The following ELP6 variants were observed in gnomAD, a reference collection of about 807,000 sequenced individuals.
The protein encoded by ELP6 is elongator complex protein 6.
ELP6 carries 23 observed loss-of-function variants against 28.1 expected under a neutral mutation model. The observed-to-expected ratio is 0.82, with a 90% CI of 0.59 to 1.16. The LOEUF is 1.16. Among genes scored for constraint, ELP6 ranks in the 50% most tolerant of loss-of-function variants. ELP6 has a pLI of 0.00. For synonymous variants in ELP6, 132 were observed against 135.8 expected (o/e 0.97, Z 0.19); for missense variants, 313 against 334.6 (o/e 0.94, Z 0.50).
intron 1 of ELP6, chr3:47,511,895 T>G: frequency 2.0e-6 from 2 of 985,532 alleles, no homozygotes; most frequent in African/African-American, 3.5e-5. Flanking sequence ...CTCCTTGCCG[T>G]GTGACCTTCC....
chr3:47,496,856 A>G (rs1020535991), intron 6 of ELP6: 3 of 985,314 alleles, frequency 3.0e-6, no homozygotes, highest in Admixed American at 6.2e-5. Flanking sequence ...TGAAAATCAC[A>G]TTAGAATTTG....
At chr3:47,503,442 T>C in intron 4 of ELP6, 1 of 1,289,762 alleles carries the variant, frequency 7.8e-7, no homozygotes, top group South Asian at 1.2e-5. Context: ...AAATTTTTTC[T>C]TAAATGTCTG....
chr3:47,505,190 T>C (rs939760084), intron 3 of ELP6, among the ~76,000 whole-genome samples: 1 of 151,608 alleles, frequency 6.6e-6, no homozygotes, highest in Non-Finnish European at 1.5e-5. Context: ...TTGCTTGAAC[T>C]GGGAGGTGGA....
At chr3:47,509,189 T>C (rs1314281292) in intron 3 of ELP6, among the ~76,000 whole-genome samples, 1 of 152,088 alleles carries the variant, frequency 6.6e-6, no homozygotes, top group Non-Finnish European at 1.5e-5. Context: ...CTCCAACTCC[T>C]GACCTCAGGT....
At position 47,510,255 on chromosome 3, in the gene ELP6, C is replaced by A. The variant is rs759079339; in HGVS notation, c.134-1G>T. 4.3e-6 allele frequency: 7 copies of A among 1,611,854 alleles called. No homozygotes were observed. Among genetic ancestry groups the A allele is most frequent in the Non-Finnish European group, 5.9e-6 (7 of 1,178,168 alleles). On this transcript the variant is annotated splice_acceptor_variant, in intron 2 of 6. Transcript: ENST00000296149. LOFTEE classifies it high-confidence loss of function. ...GCCACAAAGCAGACTTTACAATTAGCTAGAAAACAAAACAATTATTTTAAA... is the reference window on the plus strand; with the variant it reads ...GCCACAAAGCAGACTTTACAATTAGATAGAAAACAAAACAATTATTTTAAA...
intron 5 of ELP6, 143 bp from the exon 6 acceptor site, chr3:47,498,575 C>A: frequency 1.3e-6 from 2 of 1,498,352 alleles, no homozygotes; most frequent in Non-Finnish European, 8.9e-7. Context: ...CAGCCCCTAC[C>A]TGTGCTCCCA....
In ELP6 at chr3:47,501,699, A is replaced by C; in HGVS notation, c.476T>G (p.Val159Gly). Residue 159 changes from valine (V) to glycine (G), a missense_variant, in exon 5 of 7, where the codon GTG (valine) becomes GGG (glycine). Val to Gly is a moderately radical substitution (Grantham distance 109). Transcript: ENST00000296149. ...TCTGCAGTAGTGAATGAAGTCTAGCACAGCCACCGCCCCCATGCCCAGGCT... is the reference window on the plus strand; with the variant it reads ...TCTGCAGTAGTGAATGAAGTCTAGCCCAGCCACCGCCCCCATGCCCAGGCT... ...LLSLGMGAVA[V>G]LDFIHYCRAT... The C allele has an allele frequency of 6.2e-7, 1 of 1,614,046 alleles. No individual in the cohort carries two copies. The highest frequency in any genetic ancestry group is 1.6e-4 in the Middle Eastern group (1 of 6,062).
Position 47,511,204 on chromosome 3 carries a change from T to C in ELP6, c.77A>G (p.Asp26Gly). 6.2e-7 allele frequency: 1 copy of C among 1,614,100 alleles called. No individual in the cohort carries two copies. The highest frequency in any genetic ancestry group is 8.5e-7 in the Non-Finnish European group (1 of 1,179,994). ...AAGGAAACTCCCATCTGTCTTGGCATCACAGAGTAGAGTCAGTTTCCCCTA... is the reference window on the plus strand; with the variant it reads ...AAGGAAACTCCCATCTGTCTTGGCACCACAGAGTAGAGTCAGTTTCCCCTA... ...AEQGKLTLLC[D>G]AKTDGSFLVH... The change falls in exon 2 of 7, where the codon GAT becomes GGT. Residue 26 changes from aspartate to glycine, a missense_variant. By Grantham distance (94) the Asp-to-Gly change is moderately conservative (BLOSUM62 -1). Transcript: ENST00000296149.
chr3:47,497,713 G>C (rs1054285258), intron 6 of ELP6, among the ~76,000 whole-genome samples: 1 of 149,834 alleles, frequency 6.7e-6, no homozygotes, highest in Non-Finnish European at 1.5e-5. Flanking sequence ...GGTGGATCAC[G>C]AGGTCAGGAA....
At chr3:47,500,375 C>T (rs886539623) in intron 5 of ELP6, 2 of 290,438 alleles carry the variant, frequency 6.9e-6, no homozygotes, top group Non-Finnish European at 1.0e-5. Flanking sequence ...CATAGTGAGA[C>T]CAAGTCTCTA....
At chr3:47,502,658 G>T in intron 4 of ELP6, 1 of 667,198 alleles carries the variant, frequency 1.5e-6, no homozygotes, top group Non-Finnish European at 1.9e-6. Flanking sequence ...AACAGAGTGG[G>T]ACTATACCTC....
At chr3:47,505,986 C>T (rs1334466269) in intron 3 of ELP6, among the ~76,000 whole-genome samples, 1 of 152,162 alleles carries the variant, frequency 6.6e-6, no homozygotes, top group Non-Finnish European at 1.5e-5. Flanking sequence ...CCGATAGTCA[C>T]GTAGGTTCTT....
intron 1 of ELP6, chr3:47,512,237 G>C (rs748068200): frequency 3.0e-4 from 60 of 200,310 alleles, no homozygotes; most frequent in Non-Finnish European, 3.3e-4. Flanking sequence ...GGAAGACAAA[G>C]ATTATGAATA....
chr3:47,501,870 AG>A lies in ELP6; in HGVS notation c.324-20del. 2 of 1,604,892 alleles carry A rather than the reference AG, an allele frequency of 1.2e-6. No homozygotes were observed. The highest frequency in any genetic ancestry group is 8.5e-7 in the Non-Finnish European group (1 of 1,175,346). ...AGCCTCCCTGGAGAGACAGGACAAA[AG>A]TTACCAGACTTCACTCTCTCTACAG... is the stretch of plus-strand genomic sequence containing the variant. On this transcript the variant is annotated intron_variant, in intron 4 of 6. Coordinates refer to ENST00000296149, the MANE Select transcript of ELP6 (RefSeq NM_001031703.3).
At chr3:47,509,727 A>G (rs926242366) in intron 3 of ELP6, among the ~76,000 whole-genome samples, 1 of 152,066 alleles carries the variant, frequency 6.6e-6, no homozygotes, top group Non-Finnish European at 1.5e-5. Context: ...ACATGCTGAG[A>G]TGCTACCTTA....
intron 4 of ELP6, chr3:47,503,364 G>A (rs776208577): frequency 3.0e-4 from 386 of 1,289,664 alleles, no homozygotes; most frequent in Non-Finnish European, 3.7e-4. Context: ...TGTGGCCAAT[G>A]TTCAGAAAGG....
chr3:47,505,989 A>G (rs994067665), intron 3 of ELP6, among the ~76,000 whole-genome samples: 4 of 152,218 alleles, frequency 2.6e-5, no homozygotes, highest in African/African-American at 4.8e-5. Context: ...ATAGTCACGT[A>G]GGTTCTTTTC....
At chr3:47,512,869 G>A (rs1335467874) in intron 1 of ELP6, 1 of 984,480 alleles carries the variant, frequency 1.0e-6, no homozygotes. Flanking sequence ...TCTCCTCTCG[G>A]GCCTATTCTG....
At chr3:47,510,315 C>T in intron 2 of ELP6, 61 bp from the exon 3 acceptor site, 1 of 1,443,320 alleles carries the variant, frequency 6.9e-7, no homozygotes, top group Non-Finnish European at 9.6e-7. Flanking sequence ...TCACTGATTT[C>T]ATACCTCTGG....
Sources: allele counts gnomAD v4.1 joint callset (sites outside exome capture counted in the v4.1 genomes callset), GRCh38; gene constraint gnomAD v4.1.1; transcripts MANE v1.5; gene names NCBI Gene and HGNC (gene_info 2026-07-23, HGNC 2026-07-21).